LRRC49: variants seen among roughly 807,000 people sequenced by gnomAD.
LRRC49 encodes the protein leucine rich repeat containing 49.
Under a neutral mutation model 83.3 loss-of-function variants are expected in LRRC49, and 50 were observed. The ratio of observed to expected loss-of-function variants is 0.60; its 90% CI spans 0.48 to 0.76. The LOEUF (loss-of-function observed/expected upper bound fraction) is 0.76. Ranked by LOEUF, LRRC49 falls within the 30% of genes least tolerant of loss-of-function variation. The pLI is 0.00. For synonymous variants in LRRC49, 286 were observed against 283.3 expected, an observed-to-expected ratio of 1.01 and a Z score of -0.10; for missense variants, 704 against 809.1, an observed-to-expected ratio of 0.87 and a Z score of 1.58.
chr15:71,037,548 A>T (rs892754280), intron 15 of LRRC49, among the ~76,000 whole-genome samples: 6 of 151,964 alleles, frequency 3.9e-5, no homozygotes, highest in African/African-American at 1.5e-4. Flanking sequence ...CAGTATCGTT[A>T]TTTCAGCAGA....
chr15:70,916,440 C>A (rs547877113), intron 6 of LRRC49, among the ~76,000 whole-genome samples: 1 of 151,980 alleles, frequency 6.6e-6, no homozygotes, highest in African/African-American at 2.4e-5. Context: ...GATTACAGGC[C>A]CATGCCACCA....
intron 14 of LRRC49, among the ~76,000 whole-genome samples, chr15:71,029,834 G>T (rs1336295406): frequency 1.3e-5 from 2 of 152,142 alleles, no homozygotes; most frequent in Non-Finnish European, 2.9e-5. Flanking sequence ...CACAGACTAA[G>T]ATTGCAACCC....
rs1241126458 is a variant in LRRC49 at position 71,006,633 on chromosome 15, G to A, written c.1170-1746G>A. 8.5e-5 allele frequency among the ~76,000 whole-genome samples: 13 copies of A among 152,106 alleles called. No individual in the cohort carries two copies. In the East Asian group the frequency reaches 2.5e-3, roughly 29 times the overall value. The stretch of plus-strand genomic sequence containing the variant: ...AATTCATCCAAGAAATATGTATTGA[G>A]CAGAGCATAGGCTAGGAGCTGTACT... On this transcript the variant is annotated intron_variant, in intron 11 of 15. Coordinates refer to ENST00000260382, the MANE Select transcript of LRRC49 (RefSeq NM_017691.5).
chr15:70,971,572 A>G (rs896387467), intron 9 of LRRC49, among the ~76,000 whole-genome samples: 18 of 152,232 alleles, frequency 1.2e-4, no homozygotes, highest in African/African-American at 4.1e-4. Context: ...GTGGGGTGTT[A>G]AAATCTCCCA....
chr15:70,857,808 A>G (rs1269634688), intron 1 of LRRC49, among the ~76,000 whole-genome samples: 1 of 152,272 alleles, frequency 6.6e-6, no homozygotes, highest in Non-Finnish European at 1.5e-5. Context: ...GCAGCAGGGT[A>G]TAATGGAAAC....
chr15:70,876,968 C>A (rs2033165039), intron 2 of LRRC49, among the ~76,000 whole-genome samples: 1 of 152,190 alleles, frequency 6.6e-6, no homozygotes, highest in Non-Finnish European at 1.5e-5. Flanking sequence ...TTTCAGAACT[C>A]CTTTGTAAAT....
intron 6 of LRRC49, among the ~76,000 whole-genome samples, chr15:70,915,978 T>C (rs1383235818): frequency 6.6e-6 from 1 of 152,182 alleles, no homozygotes; most frequent in African/African-American, 2.4e-5. Flanking sequence ...CTGAGAAAAG[T>C]TCTTTTAGCT....
intron 9 of LRRC49, 127 bp from the exon 10 acceptor site, chr15:70,979,974 A>C (rs1359138473): frequency 5.6e-6 from 3 of 540,404 alleles, no homozygotes; most frequent in African/African-American, 1.9e-5. Context: ...TTTTTCTTTG[A>C]GAGTATATTT....
At chr15:71,004,504 G>T (rs971593485) in intron 11 of LRRC49, among the ~76,000 whole-genome samples, 1 of 152,096 alleles carries the variant, frequency 6.6e-6, no homozygotes, top group African/African-American at 2.4e-5. Context: ...ACAAAAATTA[G>T]CTGGGCAAGG....
chr15:70,909,151 G>A (rs1431134436), intron 5 of LRRC49, among the ~76,000 whole-genome samples: 1 of 152,144 alleles, frequency 6.6e-6, no homozygotes, highest in East Asian at 1.9e-4. Context: ...GGAGAACTTT[G>A]GGGTGATACA....
At chr15:70,932,110 G>A (rs1195356222) in intron 7 of LRRC49, among the ~76,000 whole-genome samples, 1 of 152,156 alleles carries the variant, frequency 6.6e-6, no homozygotes, top group Non-Finnish European at 1.5e-5. Context: ...TTAAAACAGT[G>A]TGTAGAAGAA....
chr15:70,971,092 A>T (rs982653100), intron 9 of LRRC49, among the ~76,000 whole-genome samples: 8 of 152,064 alleles, frequency 5.3e-5, no homozygotes, highest in African/African-American at 1.9e-4. Context: ...TCAATTTTAG[A>T]TCTTTCCCAC....
At chr15:70,952,204 G>A (rs1248402542) in intron 8 of LRRC49, among the ~76,000 whole-genome samples, 3 of 149,890 alleles carry the variant, frequency 2.0e-5, no homozygotes, top group Non-Finnish European at 3.0e-5. Context: ...CATCAGGGAC[G>A]TTGGCATGAA....
At chr15:70,915,453 T>C (rs2034730812) in intron 6 of LRRC49, among the ~76,000 whole-genome samples, 1 of 152,204 alleles carries the variant, frequency 6.6e-6, no homozygotes, top group African/African-American at 2.4e-5. Context: ...TATATATTTA[T>C]ATATTTCTTG....
chr15:70,876,792 T>G (rs1017538879), intron 2 of LRRC49, among the ~76,000 whole-genome samples: 11 of 152,228 alleles, frequency 7.2e-5, no homozygotes, highest in Non-Finnish European at 7.3e-5. Context: ...TGCAAAGGCA[T>G]GCCATCTCTA....
In LRRC49 at chr15:70,892,933, T is replaced by A. The variant is rs767083085; in HGVS notation, c.39T>A (p.Ala13=). 42 of 1,614,128 alleles carry A rather than the reference T, an allele frequency of 2.6e-5. No individual in the cohort carries two copies. In the Admixed American group the frequency reaches 7.0e-4, roughly 27 times the overall value. ...PGKYRSVSGR[A]ANNVNCGLHL... ...AATATCGCTCTGTTTCTGGCCGGGC[T>A]GCGAACAACGTAAGTTGGGCCTTCT... The change falls in exon 1 of 16, where the codon GCT becomes GCA. Residue 13 remains alanine (A), a synonymous_variant. Coordinates refer to ENST00000260382, the MANE Select transcript of LRRC49 (RefSeq NM_017691.5).
intron 11 of LRRC49, among the ~76,000 whole-genome samples, chr15:70,989,704 G>A (rs1298494359): frequency 1.3e-5 from 2 of 152,234 alleles, no homozygotes; most frequent in African/African-American, 2.4e-5. Flanking sequence ...GAGGAGAGGC[G>A]CTCTGCTTTT....
At chr15:70,970,320 G>A (rs2036948265) in intron 9 of LRRC49, among the ~76,000 whole-genome samples, 1 of 152,190 alleles carries the variant, frequency 6.6e-6, no homozygotes, top group Admixed American at 6.6e-5. Context: ...GCATCCCAGG[G>A]ATGAAGCTGG....
chr15:70,994,898 T>C (rs184564760), intron 11 of LRRC49, among the ~76,000 whole-genome samples: 37 of 152,346 alleles, frequency 2.4e-4, no homozygotes, highest in Non-Finnish European at 5.0e-4. Flanking sequence ...GTAACGTCAC[T>C]TTAAGAAACA....
Sources: gnomAD v4.1 joint callset for allele counts (sites outside exome capture counted in the v4.1 genomes callset) on GRCh38, gnomAD v4.1.1 for gene constraint, MANE v1.5 for transcripts, NCBI Gene and HGNC (gene_info 2026-07-23, HGNC 2026-07-21) for gene names.